The following ULK4 variants were observed in gnomAD, a reference collection of about 807,000 sequenced individuals.
ULK4 encodes the protein unc-51 like kinase 4.
In ULK4, 133 loss-of-function variants were observed where a neutral mutation model predicts 160.6. That is an observed-to-expected ratio of 0.83 (90% CI 0.72 to 0.96). The LOEUF is 0.96. ULK4 is among the 40% of genes least tolerant of loss of function. The pLI, the probability that ULK4 is intolerant of heterozygous loss-of-function variation, is 0.00. For synonymous variants in ULK4, 534 were observed against 539.8 expected, an observed-to-expected ratio of 0.99 and a Z score of 0.15; for missense variants, 1,580 against 1,499.5, an observed-to-expected ratio of 1.05 and a Z score of -0.89.
At chr3:41,269,302 G>A (rs2079099127) in intron 35 of ULK4, among the ~76,000 whole-genome samples, 1 of 151,924 alleles carries the variant, frequency 6.6e-6, no homozygotes, top group Non-Finnish European at 1.5e-5. Flanking sequence ...AAGGAATAAG[G>A]TTCCCAGCTG....
intron 32 of ULK4, among the ~76,000 whole-genome samples, chr3:41,473,660 T>TAAAAAAAAAAAA (rs2084053456): frequency 2.4e-5 from 1 of 42,392 alleles, no homozygotes; most frequent in African/African-American, 1.5e-4. Flanking sequence ...AGATTCTGTC[T>TAAAAAAAAAAAA]CAAAGAAAAA....
chr3:41,861,826 G>A (rs983900468), intron 17 of ULK4, among the ~76,000 whole-genome samples: 1 of 151,886 alleles, frequency 6.6e-6, no homozygotes, highest in Admixed American at 6.6e-5. Context: ...CGTGCTTCTT[G>A]TTTTTTCTTT....
At chr3:41,397,845 C>T (rs1268744956) in intron 35 of ULK4, among the ~76,000 whole-genome samples, 1 of 152,074 alleles carries the variant, frequency 6.6e-6, no homozygotes. Context: ...GTGTGAGGCA[C>T]AATGTCTCTA....
At chr3:41,630,944 T>C (rs2033714465) in intron 30 of ULK4, among the ~76,000 whole-genome samples, 1 of 152,220 alleles carries the variant, frequency 6.6e-6, no homozygotes, top group Admixed American at 6.5e-5. Flanking sequence ...GCTTTTTTGT[T>C]TACATAATTT....
chr3:41,729,140 G>A (rs1441935909), intron 22 of ULK4, among the ~76,000 whole-genome samples: 2 of 152,208 alleles, frequency 1.3e-5, no homozygotes, highest in African/African-American at 4.8e-5. Flanking sequence ...GGAACATGAA[G>A]ACTCAGGATG....
chr3:41,294,746 T>G (rs922712257), intron 35 of ULK4, among the ~76,000 whole-genome samples: 14 of 151,858 alleles, frequency 9.2e-5, no homozygotes, highest in South Asian at 2.1e-4. Context: ...GAAAAGAAAA[T>G]AAAAGATCTA....
chr3:41,702,899 C>G (rs2036728514), intron 27 of ULK4, among the ~76,000 whole-genome samples: 2 of 146,320 alleles, frequency 1.4e-5, no homozygotes, highest in South Asian at 2.1e-4. Context: ...TTGTCACCAG[C>G]CTGGAGTGCA....
chr3:41,375,186 A>C (rs1015677028), intron 35 of ULK4, among the ~76,000 whole-genome samples: 7 of 152,214 alleles, frequency 4.6e-5, no homozygotes, highest in Non-Finnish European at 1.0e-4. Flanking sequence ...AAAAATCAGT[A>C]TTGTGAGAAC....
chr3:41,663,539 A>G, intron 30 of ULK4, 68 bp downstream of exon 30: 2 of 1,416,858 alleles, frequency 1.4e-6, no homozygotes, highest in East Asian at 4.6e-5. Flanking sequence ...CTTTAATAAC[A>G]TTTTCACAAC....
intron 35 of ULK4, among the ~76,000 whole-genome samples, chr3:41,253,117 G>C (rs1010676039): frequency 6.6e-6 from 1 of 152,008 alleles, no homozygotes; most frequent in African/African-American, 2.4e-5. Context: ...TCAGATGAAT[G>C]AAAACTAATA....
chr3:41,567,755 G>A (rs971724163), intron 31 of ULK4, among the ~76,000 whole-genome samples: 4 of 152,016 alleles, frequency 2.6e-5, no homozygotes, highest in South Asian at 2.1e-4. Context: ...GAGCCACCAC[G>A]CCTGGCATTT....
chr3:41,356,994 A>G (rs2081043150), intron 35 of ULK4, among the ~76,000 whole-genome samples: 1 of 152,230 alleles, frequency 6.6e-6, no homozygotes, highest in African/African-American at 2.4e-5. Context: ...GTGAGTCACA[A>G]GCAAGAATTT....
At chr3:41,520,771 T>C (rs923975499) in intron 32 of ULK4, among the ~76,000 whole-genome samples, 1 of 152,230 alleles carries the variant, frequency 6.6e-6, no homozygotes, top group Non-Finnish European at 1.5e-5. Context: ...GGTGAAGTGG[T>C]ATCTCATTGT....
intron 32 of ULK4, among the ~76,000 whole-genome samples, chr3:41,513,165 TTAA>T (rs1232095435): frequency 6.6e-6 from 1 of 152,138 alleles, no homozygotes; most frequent in Non-Finnish European, 1.5e-5. Context: ...GATCAAAGAC[TTAA>T]ATCTAAGACC....
intron 35 of ULK4, among the ~76,000 whole-genome samples, chr3:41,346,010 C>T (rs1033519989): frequency 1.3e-4 from 20 of 151,852 alleles, no homozygotes; most frequent in Non-Finnish European, 7.4e-5. Flanking sequence ...AGCAGGAAGA[C>T]TGATAGGGCC....
chr3:41,541,548 G>T (rs111319760), intron 32 of ULK4, among the ~76,000 whole-genome samples: 77,732 of 151,934 alleles, frequency 0.51, 19,990 homozygotes, highest in Middle Eastern at 0.57. Flanking sequence ...AAAGTAGTTT[G>T]TTCCAATTTT....
At chr3:41,560,777 G>A (rs187937249) in intron 32 of ULK4, among the ~76,000 whole-genome samples, 1 of 152,316 alleles carries the variant, frequency 6.6e-6, no homozygotes, top group East Asian at 1.9e-4. Context: ...AGACTATGGG[G>A]TTTTCTAAAT....
intron 30 of ULK4, among the ~76,000 whole-genome samples, chr3:41,637,758 T>C (rs1436607706): frequency 6.6e-6 from 1 of 152,214 alleles, no homozygotes; most frequent in African/African-American, 2.4e-5. Context: ...TGATTGCTTA[T>C]TGTGGTTTTA....
chr3:41,458,814 G>T (rs1430783399), intron 33 of ULK4, among the ~76,000 whole-genome samples: 1 of 152,156 alleles, frequency 6.6e-6, no homozygotes, highest in African/African-American at 2.4e-5. Context: ...GGAGTGCAGT[G>T]GCACGATCTC....
Sources: allele counts gnomAD v4.1 joint callset (sites outside exome capture counted in the v4.1 genomes callset), GRCh38; gene constraint gnomAD v4.1.1; transcripts MANE v1.5; gene names NCBI Gene and HGNC (gene_info 2026-07-23, HGNC 2026-07-21).